TANC1: variants seen among roughly 807,000 people sequenced by gnomAD.
TANC1 encodes protein TANC1.
Under a neutral mutation model 149.7 loss-of-function variants are expected in TANC1, and 77 were observed. The ratio of observed to expected loss-of-function variants is 0.51; its 90% CI spans 0.43 to 0.62. TANC1 has a LOEUF of 0.62. TANC1 is among the 20% of genes least tolerant of loss of function. TANC1 has a pLI of 0.00. For missense variants in TANC1, 1,985 were observed against 2,321.8 expected, an observed-to-expected ratio of 0.85 and a Z score of 2.98; for synonymous variants, 854 against 925.0, an observed-to-expected ratio of 0.92 and a Z score of 1.39.
At chr2:159,218,890 T>G (rs2059512968) in intron 20 of TANC1, among the ~76,000 whole-genome samples, 1 of 152,212 alleles carries the variant, frequency 6.6e-6, no homozygotes, top group Admixed American at 6.5e-5. Flanking sequence ...TGACCGCTGC[T>G]CGCCCCTCTT....
chr2:159,117,549 C>G (rs1260933207), intron 4 of TANC1, among the ~76,000 whole-genome samples: 1 of 152,044 alleles, frequency 6.6e-6, no homozygotes, highest in Non-Finnish European at 1.5e-5. Flanking sequence ...GTGCCCGCCA[C>G]CACGCCCGGC....
At chr2:158,985,726 C>T (rs1241736571) in intron 1 of TANC1, among the ~76,000 whole-genome samples, 3 of 152,104 alleles carry the variant, frequency 2.0e-5, no homozygotes, top group African/African-American at 7.2e-5. Context: ...TCACTACAGC[C>T]TCCACCTCCC....
chr2:159,033,574 C>T (rs1180275538), intron 2 of TANC1, among the ~76,000 whole-genome samples: 1 of 152,138 alleles, frequency 6.6e-6, no homozygotes, highest in Admixed American at 6.5e-5. Context: ...GAATTTCCTT[C>T]CCATGAGAGA....
intron 3 of TANC1, among the ~76,000 whole-genome samples, chr2:159,078,952 T>C (rs963123258): frequency 3.7e-5 from 5 of 133,932 alleles, no homozygotes; most frequent in Non-Finnish European, 8.1e-5. Flanking sequence ...GTGTTGAAGA[T>C]ATAGGGTTGT....
rs1433274762 is a variant in TANC1, at chr2:159,092,102, C to G, written c.62-5535C>G. 4.6e-5 allele frequency among the ~76,000 whole-genome samples: 7 copies of G among 152,164 alleles called. No individual in the cohort carries two copies. In the East Asian group the frequency reaches 1.2e-3, roughly 25 times the overall value. On this transcript the variant is annotated intron_variant, in intron 3 of 26. Coordinates refer to ENST00000263635, the MANE Select transcript of TANC1 (RefSeq NM_033394.3). ...CCTAGTTAAATGCATTGCACAAGTT[C>G]CGTTTTCTGGAGCTGGATAAACAGA...
At position 159,098,610 on chromosome 2, in the gene TANC1, A is replaced by G. The variant is rs57317258; in HGVS notation, c.259+776A>G. 2.8e-3 allele frequency among the ~76,000 whole-genome samples: 426 copies of G among 152,300 alleles called. 4 individuals are homozygous for G. Among genetic ancestry groups the G allele is most frequent in the African/African-American group, 9.9e-3 (410 of 41,566 alleles). The stretch of plus-strand genomic sequence containing the variant: ...CATCATCTAGCATTTGAACAGCTAT[A>G]AAGTTTGTTTGTGAAAACTCAGACT... On this transcript the variant is annotated intron_variant, in intron 4 of 26. Coordinates refer to ENST00000263635, the MANE Select transcript of TANC1 (RefSeq NM_033394.3).
chr2:159,124,424 A>G (rs2049179326), intron 4 of TANC1, among the ~76,000 whole-genome samples: 1 of 152,178 alleles, frequency 6.6e-6, no homozygotes, highest in Admixed American at 6.5e-5. Flanking sequence ...ATGTCTAATA[A>G]GTTCGCAGGT....
intron 1 of TANC1, among the ~76,000 whole-genome samples, chr2:158,997,751 G>A (rs928055739): frequency 6.6e-6 from 1 of 152,156 alleles, no homozygotes; most frequent in East Asian, 1.9e-4. Context: ...AAATATACCT[G>A]CACATAACTG....
At chr2:159,048,285 A>G (rs942586689) in intron 2 of TANC1, among the ~76,000 whole-genome samples, 4 of 152,162 alleles carry the variant, frequency 2.6e-5, no homozygotes, top group African/African-American at 9.7e-5. Flanking sequence ...TCGTATTTGA[A>G]TCTGTTAACG....
At chr2:159,166,070 T>G (rs546439010) in intron 8 of TANC1, among the ~76,000 whole-genome samples, 4 of 152,368 alleles carry the variant, frequency 2.6e-5, no homozygotes, top group Admixed American at 1.3e-4. Context: ...GGGATTGGTT[T>G]GGACAACTAT....
At chr2:159,035,330 A>G (rs1423516203) in intron 2 of TANC1, among the ~76,000 whole-genome samples, 3 of 152,212 alleles carry the variant, frequency 2.0e-5, no homozygotes, top group Non-Finnish European at 4.4e-5. Context: ...AAATTCCCAC[A>G]ATAAGTATAT....
intron 5 of TANC1, among the ~76,000 whole-genome samples, chr2:159,146,752 G>T (rs979626562): frequency 6.6e-6 from 1 of 151,888 alleles, no homozygotes; most frequent in Non-Finnish European, 1.5e-5. Flanking sequence ...TGTTGGCCAG[G>T]CTGCTCTCAA....
In TANC1 at chr2:159,001,066, TC is replaced by T. The variant is rs2036581709; in HGVS notation, c.-125-13del. ...TTCTAACCCAGGTTGTCTCCTCTGC[TC>T]TTGTTCCTTTAGGAGCTGACTGCTG... On this transcript the variant is annotated splice_polypyrimidine_tract_variant and intron_variant, in intron 1 of 26. Transcript: ENST00000263635. This position sits in a 1 kb window ranked among gnomAD's most constrained non-coding sequence, Gnocchi z 4.3. 1 of 152,278 alleles carries T rather than the reference TC, an allele frequency of 6.6e-6. No individual in the cohort carries two copies. Among genetic ancestry groups the T allele is most frequent in the African/African-American group, 2.4e-5 (1 of 41,452 alleles). The allele number at this position is 152,278 out of a possible 1,614,324, so 9.4% of individuals were successfully genotyped here.
chr2:159,152,021 A>G (rs2052867603), intron 7 of TANC1, among the ~76,000 whole-genome samples: 2 of 151,570 alleles, frequency 1.3e-5, no homozygotes, highest in Admixed American at 1.3e-4. Flanking sequence ...CCCCAGTCCT[A>G]GTCAACCAGT....
chr2:159,122,960 G>A (rs1439968884), intron 4 of TANC1, among the ~76,000 whole-genome samples: 1 of 152,066 alleles, frequency 6.6e-6, no homozygotes, highest in Non-Finnish European at 1.5e-5. Flanking sequence ...AATGGTCTCA[G>A]TGCAACCTAG....
intron 4 of TANC1, among the ~76,000 whole-genome samples, chr2:159,109,073 A>G (rs1282866587): frequency 6.6e-6 from 1 of 152,190 alleles, no homozygotes; most frequent in Non-Finnish European, 1.5e-5. Context: ...GGTCCTGAGT[A>G]CAGCTAATGA....
intron 4 of TANC1, among the ~76,000 whole-genome samples, chr2:159,116,454 C>CAAAA (rs779142844): frequency 7.1e-6 from 1 of 140,410 alleles, no homozygotes; most frequent in East Asian, 2.0e-4. Flanking sequence ...ACAACAACAA[C>CAAAA]AAAAAAAAAA....
intron 7 of TANC1, among the ~76,000 whole-genome samples, chr2:159,159,439 CAAA>C (rs34576502): frequency 8.6e-5 from 8 of 92,996 alleles, no homozygotes; most frequent in Admixed American, 1.1e-4. Context: ...GACCCTGTCT[CAAA>C]AAAAAAAAAA....
intron 15 of TANC1, 98 bp from the exon 16 acceptor site, chr2:159,186,804 C>A: frequency 6.6e-7 from 1 of 1,510,998 alleles, no homozygotes; most frequent in Non-Finnish European, 9.1e-7. Flanking sequence ...GCACCCTCTG[C>A]GGCAGACCCA....
Sources: allele counts gnomAD v4.1 joint callset (sites outside exome capture counted in the v4.1 genomes callset), GRCh38; gene constraint gnomAD v4.1.1; non-coding constraint Gnocchi (gnomAD v3.1); transcripts MANE v1.5; gene names NCBI Gene and HGNC (gene_info 2026-07-23, HGNC 2026-07-21).